RIMS1: variants seen among roughly 807,000 people sequenced by gnomAD.
RIMS1 encodes regulating synaptic membrane exocytosis 1, also known as regulating synaptic membrane exocytosis protein 1.
In RIMS1, 83 loss-of-function variants were observed where a neutral mutation model predicts 214.1. That is an observed-to-expected ratio of 0.39 (90% confidence interval 0.32 to 0.47). The LOEUF (loss-of-function observed/expected upper bound fraction) is 0.47. Among genes scored for constraint, RIMS1 ranks in the 20% least tolerant of loss-of-function variants. The probability of loss-of-function intolerance (pLI) is 0.99; values close to 1 mark genes in which losing one functional copy is unlikely to be tolerated. For synonymous variants in RIMS1, 793 were observed against 786.8 expected (o/e 1.01, Z -0.13); for missense variants, 2,050 against 2,161.8 (o/e 0.95, Z 1.03).
At chr6:72,005,849 A>T (rs1180118732) in intron 2 of RIMS1, among the ~76,000 whole-genome samples, 1 of 152,234 alleles carries the variant, frequency 6.6e-6, no homozygotes, top group Non-Finnish European at 1.5e-5. Context: ...CAAGTAAATG[A>T]GATATTTACG....
intron 2 of RIMS1, among the ~76,000 whole-genome samples, chr6:72,096,485 CTT>C (rs921867434): frequency 2.6e-5 from 4 of 152,094 alleles, no homozygotes; most frequent in Non-Finnish European, 5.9e-5. Context: ...TTGTGACAAA[CTT>C]ATTTTTGAAT....
At chr6:72,333,042 G>A (rs921417610) in intron 28 of RIMS1, among the ~76,000 whole-genome samples, 2 of 151,848 alleles carry the variant, frequency 1.3e-5, no homozygotes, top group African/African-American at 2.4e-5. Context: ...TAATCCAAAA[G>A]CATTTTGTTG....
intron 4 of RIMS1, among the ~76,000 whole-genome samples, chr6:72,147,379 C>G (rs2042896975): frequency 6.6e-6 from 1 of 152,052 alleles, no homozygotes; most frequent in Non-Finnish European, 1.5e-5. Flanking sequence ...AGGGTGGAGC[C>G]CTTGAAGAAA....
chr6:72,256,467 A>G (rs542767995), intron 16 of RIMS1, among the ~76,000 whole-genome samples: 5 of 152,090 alleles, frequency 3.3e-5, no homozygotes, highest in Non-Finnish European at 7.4e-5. Context: ...AAACAATTAT[A>G]TACCTTTTAC....
chr6:72,148,685 ACTAACCTTT>A, intron 4 of RIMS1: 1 of 447,018 alleles, frequency 2.2e-6, no homozygotes, highest in Middle Eastern at 3.3e-4. Context: ...TTGTGCTGTC[ACTAACCTTT>A]GGGTTTGCGG....
intron 4 of RIMS1, among the ~76,000 whole-genome samples, chr6:72,132,487 A>G (rs570158963): frequency 1.1e-4 from 17 of 152,270 alleles, no homozygotes; most frequent in African/African-American, 4.1e-4. Flanking sequence ...TTGGGTACAT[A>G]ATATTATTGT....
At chr6:72,374,016 G>A (rs1224079799) in intron 29 of RIMS1, among the ~76,000 whole-genome samples, 1 of 152,154 alleles carries the variant, frequency 6.6e-6, no homozygotes, top group Non-Finnish European at 1.5e-5. Flanking sequence ...CCAGGTTCAA[G>A]TGATTCTTCT....
At chr6:72,247,876 A>G (rs1563036234) in intron 11 of RIMS1, 139 bp from the exon 12 acceptor site, 1 of 620,434 alleles carries the variant, frequency 1.6e-6, no homozygotes, top group Non-Finnish European at 2.9e-6. Context: ...ACAACTAAAG[A>G]CAATCTATCC....
At chr6:72,290,925 C>A (rs768648961) in intron 25 of RIMS1, 64 bp downstream of exon 25, 1 of 1,449,092 alleles carries the variant, frequency 6.9e-7, no homozygotes. Context: ...TGGTGTTGTA[C>A]CTTCCTGAGC....
chr6:71,987,426 C>G (rs1260465621), intron 2 of RIMS1, among the ~76,000 whole-genome samples: 4 of 152,190 alleles, frequency 2.6e-5, no homozygotes, highest in Non-Finnish European at 4.4e-5. Flanking sequence ...AGCAAACTCT[C>G]TTGTGTCTCC....
intron 29 of RIMS1, among the ~76,000 whole-genome samples, chr6:72,384,856 A>AATG (rs1392296450): frequency 1.3e-5 from 2 of 152,196 alleles, no homozygotes; most frequent in Non-Finnish European, 2.9e-5. Flanking sequence ...CCTGTATCAT[A>AATG]GGTTCTTGGT....
chr6:71,904,555 T>C (rs543164281), intron 1 of RIMS1, among the ~76,000 whole-genome samples: 2 of 152,096 alleles, frequency 1.3e-5, no homozygotes, highest in Non-Finnish European at 2.9e-5. Flanking sequence ...TCTGGAGGAG[T>C]AAGACCCCAG....
chr6:71,982,069 A>C (rs1798635781), intron 2 of RIMS1, among the ~76,000 whole-genome samples: 1 of 152,058 alleles, frequency 6.6e-6, no homozygotes, highest in African/African-American at 2.4e-5. Flanking sequence ...AACATTATGG[A>C]GTAGAGGATA....
At chr6:71,999,364 G>A (rs2151707072) in intron 2 of RIMS1, among the ~76,000 whole-genome samples, 1 of 152,208 alleles carries the variant, frequency 6.6e-6, no homozygotes, top group African/African-American at 2.4e-5. Context: ...AATGCTACTA[G>A]TGTTATCAAT....
At chr6:72,391,184 A>G (rs1434135754) in intron 30 of RIMS1, among the ~76,000 whole-genome samples, 1 of 152,110 alleles carries the variant, frequency 6.6e-6, no homozygotes, top group African/African-American at 2.4e-5. Context: ...TAACACTGTC[A>G]TATATGTAAG....
At position 71,984,769 on chromosome 6, in the gene RIMS1, G is replaced by C. The variant is rs1418176769; in HGVS notation, c.245+15706G>C. Among the ~76,000 whole-genome samples, 17 of 125,092 alleles carry C rather than the reference G, an allele frequency of 1.4e-4. 1 individual carries two copies. The highest frequency in any genetic ancestry group is 5.2e-4 in the South Asian group (2 of 3,812). 82.1% of individuals were successfully genotyped at this position (125,092 alleles called of 152,430 possible). A position where few individuals can be genotyped will look rare whatever the true frequency, so the allele number is the denominator to read the frequency against. ...TGTATGTATGTATGTATGTATGTAT[G>C]TACATATCTATCTATCTATCTATCT... On this transcript the variant is annotated intron_variant, in intron 2 of 33. Coordinates refer to ENST00000521978, the MANE Select transcript of RIMS1 (RefSeq NM_014989.7).
intron 4 of RIMS1, among the ~76,000 whole-genome samples, chr6:72,153,265 G>A (rs2043981457): frequency 6.9e-6 from 1 of 144,860 alleles, no homozygotes; most frequent in African/African-American, 2.4e-5. Flanking sequence ...AAATAAGAGA[G>A]TTGGACTGGT....
At chr6:72,146,003 T>C (rs1023552275) in intron 4 of RIMS1, among the ~76,000 whole-genome samples, 1 of 152,212 alleles carries the variant, frequency 6.6e-6, no homozygotes, top group African/African-American at 2.4e-5. Context: ...TTAAAAGCTG[T>C]AAATAGTTCA....
intron 2 of RIMS1, among the ~76,000 whole-genome samples, chr6:71,992,400 C>CTTTCTTTCTT (rs1554175112): frequency 3.4e-5 from 3 of 87,794 alleles, no homozygotes; most frequent in Non-Finnish European, 7.2e-5. Flanking sequence ...TTCTTTCTCT[C>CTTTCTTTCTT]TCTCTCTTTC....
Sources: gnomAD v4.1 joint callset for allele counts (sites outside exome capture counted in the v4.1 genomes callset) on GRCh38, gnomAD v4.1.1 for gene constraint, MANE v1.5 for transcripts, NCBI Gene and HGNC (gene_info 2026-07-23, HGNC 2026-07-21) for gene names.